The following TTC6 variants were observed in gnomAD, a reference collection of about 807,000 sequenced individuals.
TTC6 encodes the protein tetratricopeptide repeat protein 6.
TTC6 carries 172 observed loss-of-function variants against 210.4 expected under a neutral mutation model. The ratio of observed to expected loss-of-function variants is 0.82; its 90% CI spans 0.72 to 0.93. The LOEUF (loss-of-function observed/expected upper bound fraction) is 0.93. TTC6 is among the 40% of genes least tolerant of loss of function. The pLI is 0.00. For synonymous variants in TTC6, 804 were observed against 819.6 expected (o/e 0.98, Z 0.32); for missense variants, 2,414 against 2,318.1 (o/e 1.04, Z -0.85).
At chr14:37,607,697 T>C (rs566449065) in intron 2 of TTC6, among the ~76,000 whole-genome samples, 2 of 151,442 alleles carry the variant, frequency 1.3e-5, no homozygotes, top group African/African-American at 2.4e-5. Context: ...GGGGCAATCA[T>C]AGCTCACTGC....
chr14:37,640,667 C>T (rs773176647), intron 1 of TTC6, among the ~76,000 whole-genome samples: 1 of 152,096 alleles, frequency 6.6e-6, no homozygotes, highest in Non-Finnish European at 1.5e-5. Context: ...CTCAGCCTCC[C>T]AAGTAGCTGG....
intron 7 of TTC6, among the ~76,000 whole-genome samples, chr14:37,732,743 G>A (rs952329566): frequency 2.0e-5 from 3 of 151,106 alleles, no homozygotes; most frequent in African/African-American, 7.3e-5. Flanking sequence ...TCAGCCTCCC[G>A]AGTAGCTGGG....
chr14:37,702,165 G>C (rs2095826693), intron 5 of TTC6, among the ~76,000 whole-genome samples: 1 of 152,132 alleles, frequency 6.6e-6, no homozygotes, highest in Admixed American at 6.6e-5. Flanking sequence ...ATCTTCAACT[G>C]TAAGGGAGAA....
At chr14:37,790,761 C>G in exon 16 of TTC6, 2 of 1,534,176 alleles carry the variant, frequency 1.3e-6, no homozygotes, top group Non-Finnish European at 8.7e-7. Flanking sequence ...TTTTCTACAT[C>G]GGGGAATAGT....
At chr14:37,805,810 C>T (rs921400579) in intron 21 of TTC6, among the ~76,000 whole-genome samples, 2 of 152,144 alleles carry the variant, frequency 1.3e-5, no homozygotes, top group Non-Finnish European at 2.9e-5. Context: ...AAGCGATTCT[C>T]CTGCCTCAGC....
chr14:37,622,251 G>T (rs1438464831), exon 1 of TTC6: 1 of 1,535,160 alleles, frequency 6.5e-7, no homozygotes, highest in South Asian at 1.2e-5. Context: ...GGCCCGCCCC[G>T]CGCGCGTTTC....
chr14:37,792,177 C>G (rs1259316326), intron 16 of TTC6, 87 bp from the exon 19 acceptor site: 5 of 1,041,788 alleles, frequency 4.8e-6, no homozygotes, highest in Non-Finnish European at 6.7e-6. Flanking sequence ...ACTGATGCAT[C>G]TGTTTCATTC....
intron 14 of TTC6, among the ~76,000 whole-genome samples, chr14:37,774,370 C>A (rs753676021): frequency 3.9e-5 from 6 of 152,054 alleles, no homozygotes; most frequent in African/African-American, 1.4e-4. Context: ...AGCTTCTGTC[C>A]ATCCAATTTG....
At chr14:37,755,371 T>G (rs1365753576) in intron 14 of TTC6, among the ~76,000 whole-genome samples, 1 of 152,232 alleles carries the variant, frequency 6.6e-6, no homozygotes, top group Non-Finnish European at 1.5e-5. Flanking sequence ...GCACAGAAGC[T>G]CTTTAGTTTA....
At chr14:37,730,171 G>A (rs74596369) in intron 7 of TTC6, among the ~76,000 whole-genome samples, 250 of 152,282 alleles carry the variant, frequency 1.6e-3, no homozygotes, top group African/African-American at 5.7e-3. Flanking sequence ...TAGATGCACA[G>A]ATCTATGTGC....
intron 14 of TTC6, among the ~76,000 whole-genome samples, chr14:37,769,238 A>G (rs535917533): frequency 2.6e-5 from 4 of 152,030 alleles, no homozygotes; most frequent in Non-Finnish European, 4.4e-5. Context: ...ATCAATGTTC[A>G]TCAAGGATAT....
At chr14:37,657,769 C>A (rs1009379748) in intron 1 of TTC6, among the ~76,000 whole-genome samples, 1 of 152,148 alleles carries the variant, frequency 6.6e-6, no homozygotes, top group Admixed American at 6.5e-5. Flanking sequence ...GCCAATTTAT[C>A]TTGTTTTTCA....
At chr14:37,708,765 C>T (rs926808555) in intron 5 of TTC6, among the ~76,000 whole-genome samples, 7 of 152,166 alleles carry the variant, frequency 4.6e-5, no homozygotes, top group Non-Finnish European at 1.0e-4. Flanking sequence ...TCTGCTTATT[C>T]AGGATGAGGA....
intron 14 of TTC6, among the ~76,000 whole-genome samples, chr14:37,786,066 G>A (rs142258483): frequency 0.025 from 3,846 of 152,296 alleles, 157 homozygotes; most frequent in African/African-American, 0.082. Context: ...TAGGCTACTC[G>A]GGGGTCAGGG....
intron 22 of TTC6, among the ~76,000 whole-genome samples, chr14:37,807,031 G>T (rs957116221): frequency 1.3e-5 from 2 of 151,954 alleles, no homozygotes; most frequent in Admixed American, 1.3e-4. Flanking sequence ...GGAGGACTTG[G>T]GGTAAAGTAT....
chr14:37,680,515 T>G (rs2095781136), intron 2 of TTC6, among the ~76,000 whole-genome samples: 1 of 152,126 alleles, frequency 6.6e-6, no homozygotes, highest in Non-Finnish European at 1.5e-5. Flanking sequence ...CAATTCTGAT[T>G]TAGAGACATT....
intron 7 of TTC6, among the ~76,000 whole-genome samples, chr14:37,725,629 G>A (rs1333197809): frequency 6.6e-6 from 1 of 151,610 alleles, no homozygotes; most frequent in East Asian, 2.0e-4. Flanking sequence ...GGATTACAGG[G>A]ATGAGCCACC....
intron 1 of TTC6, among the ~76,000 whole-genome samples, chr14:37,652,895 C>T (rs1199877565): frequency 2.0e-5 from 3 of 152,198 alleles, no homozygotes; most frequent in African/African-American, 7.2e-5. Context: ...GTAGATGCCA[C>T]AGGTAACATT....
chr14:37,805,010 T>C (rs1230606283), intron 21 of TTC6, among the ~76,000 whole-genome samples, 196 bp downstream of exon 23: 1 of 152,206 alleles, frequency 6.6e-6, no homozygotes, highest in South Asian at 2.1e-4. Context: ...TTTTATTTGA[T>C]GCTTGTTTGT....
Sources: gnomAD v4.1 joint callset for allele counts (sites outside exome capture counted in the v4.1 genomes callset) on GRCh38, gnomAD v4.1.1 for gene constraint, MANE v1.5 for transcripts, NCBI Gene and HGNC (gene_info 2026-07-23, HGNC 2026-07-21) for gene names.